The following ZNF699 variants were observed in gnomAD, a reference collection of about 807,000 sequenced individuals.
ZNF699 encodes the protein hangover homolog.
A neutral mutation model predicts 22.5 loss-of-function variants in ZNF699; 18 were observed. That is an observed-to-expected ratio of 0.80 (90% CI 0.55 to 1.19). The LOEUF (loss-of-function observed/expected upper bound fraction) is 1.19. Among genes scored for constraint, ZNF699 ranks in the 50% most tolerant of loss-of-function variants. ZNF699 has a pLI of 0.00. For synonymous variants in ZNF699, 241 were observed against 262.3 expected (o/e 0.92, Z 0.78); for missense variants, 670 against 763.4 (o/e 0.88, Z 1.44).
chr19:9,305,794 C>T (rs986106491), intron 1 of ZNF699, among the ~76,000 whole-genome samples: 9 of 151,974 alleles, frequency 5.9e-5, no homozygotes, highest in Non-Finnish European at 1.2e-4. Flanking sequence ...CTCCACCTCC[C>T]GGGTTCATGC....
chr19:9,305,174 C>A, intron 1 of ZNF699, 50 bp from the exon 2 acceptor site: 1 of 1,554,334 alleles, frequency 6.4e-7, no homozygotes. Flanking sequence ...AAAAAGGTGA[C>A]ATGAGAATCC....
rs532140939 is a variant in ZNF699, at chr19:9,297,945, T to C, written c.221A>G (p.Glu74Gly). The change falls in exon 4 of 6, where the codon GAG becomes GGG. Residue 74 changes from glutamate (E) to glycine (G), a missense_variant. Physicochemically the swap from Glu to Gly is moderately conservative, Grantham distance 98 (BLOSUM62 -2). Coordinates refer to ENST00000591998, the MANE Select transcript of ZNF699 (RefSeq NM_198535.3). This position sits in a 1 kb window ranked among gnomAD's most constrained non-coding sequence, Gnocchi z 4.3. ...TCTCTTCACTGTCTGCAGGTCCTCC[T>C]CTTGTTCCCACTGGGAGATCAGATG... ...TPHLISQWEQ[E>G]EDLQTVKREL... 2 of 1,613,706 alleles carry C rather than the reference T, an allele frequency of 1.2e-6. No homozygotes were observed. Among genetic ancestry groups the C allele is most frequent in the South Asian group, 1.1e-5 (1 of 91,058 alleles).
intron 3 of ZNF699, 145 bp from the exon 4 acceptor site, chr19:9,298,135 ATTTT>A (rs55772378): frequency 2.0e-6 from 1 of 491,872 alleles, no homozygotes; most frequent in Non-Finnish European, 3.6e-6. Flanking sequence ...AAATTTATTT[ATTTT>A]TTTTTTTAAA....
rs986800304 is a variant in ZNF699 at position 9,293,051 on chromosome 19, A to G, written c.*2424T>C. 7.3e-5 allele frequency among the ~76,000 whole-genome samples: 11 copies of G among 151,356 alleles called. No homozygotes were observed. The highest frequency in any genetic ancestry group is 2.4e-4 in the African/African-American group (10 of 41,126). On this transcript the variant is annotated 3_prime_UTR_variant, in exon 6 of 6. Coordinates refer to ENST00000591998, the MANE Select transcript of ZNF699 (RefSeq NM_198535.3). ...CTCAGGAGGCTGAGACAGGAGAATC[A>G]CTTGAACCCAGGAAGCGGAGATTGC...
chr19:9,293,457 A>C lies in ZNF699; in HGVS notation c.*2018T>G, dbSNP rs2066273553. ...CTGAGCATATAGCACATACCAAGAT[A>C]AATAAGCCCATACATCTATCAAAAG... On this transcript the variant is annotated 3_prime_UTR_variant, in exon 6 of 6. Coordinates refer to ENST00000591998, the MANE Select transcript of ZNF699 (RefSeq NM_198535.3). Among the ~76,000 whole-genome samples the C allele has an allele frequency of 6.6e-6, 1 of 152,250 alleles. No homozygotes were observed. Among genetic ancestry groups the C allele is most frequent in the Admixed American group, 6.5e-5 (1 of 15,286 alleles).
Position 9,295,233 on chromosome 19 carries a change from T to A in ZNF699, c.*242A>T. On this transcript the variant is annotated 3_prime_UTR_variant, in exon 6 of 6. Coordinates refer to ENST00000591998, the MANE Select transcript of ZNF699 (RefSeq NM_198535.3). ...GGTAATCAACGAGCCAGCATTCTAC[T>A]TTAAGGATGAGGCACTGATCTTCAT... 1 of 489,008 alleles carries A rather than the reference T, an allele frequency of 2.0e-6. No homozygotes were observed. The highest frequency in any genetic ancestry group is 3.5e-6 in the Non-Finnish European group (1 of 283,128). The allele number at this position is 489,008 out of a possible 1,614,324, so 30.3% of individuals were successfully genotyped here.
intron 3 of ZNF699, 59 bp from the exon 4 acceptor site, chr19:9,298,049 A>G (rs2066293716): frequency 1.7e-6 from 2 of 1,198,188 alleles, no homozygotes; most frequent in South Asian, 1.3e-5. Flanking sequence ...TAACATTTCC[A>G]TGAAACAGAA....
rs2066280033 is a variant in ZNF699 at position 9,295,276 on chromosome 19, T to A, written c.*199A>T. ...ATCTTCATTTCTAGTAGAGATTTTCTTATACATAATAAGCAATGTTCATAA... is the reference window on the plus strand; with the variant it reads ...ATCTTCATTTCTAGTAGAGATTTTCATATACATAATAAGCAATGTTCATAA... On this transcript the variant is annotated 3_prime_UTR_variant, in exon 6 of 6. Coordinates refer to ENST00000591998, the MANE Select transcript of ZNF699 (RefSeq NM_198535.3). The A allele has an allele frequency of 1.7e-6, 1 of 595,642 alleles. No individual in the cohort carries two copies. The highest frequency in any genetic ancestry group is 2.8e-6 in the Non-Finnish European group (1 of 359,100). 36.9% of individuals were successfully genotyped at this position (595,642 alleles called of 1,614,324 possible). A position where few individuals can be genotyped will look rare whatever the true frequency, so the allele number is the denominator to read the frequency against.
At chr19:9,300,422 C>G (rs1381310803) in intron 3 of ZNF699, among the ~76,000 whole-genome samples, 1 of 152,272 alleles carries the variant, frequency 6.6e-6, no homozygotes, top group East Asian at 1.9e-4. Context: ...CCATAAAATC[C>G]AGCAACTGAA....
intron 3 of ZNF699, among the ~76,000 whole-genome samples, chr19:9,298,631 AATC>A (rs2066295987): frequency 6.6e-6 from 1 of 152,184 alleles, no homozygotes; most frequent in African/African-American, 2.4e-5. Flanking sequence ...GTTACTCTGA[AATC>A]ATGATAAAAT....
rs1035209648 is a variant in ZNF699 at position 9,292,202 on chromosome 19, G to A, written c.*3273C>T. Among the ~76,000 whole-genome samples, 4 of 151,906 alleles carry A rather than the reference G, an allele frequency of 2.6e-5. No individual in the cohort carries two copies. The highest frequency in any genetic ancestry group is 5.9e-5 in the Non-Finnish European group (4 of 67,996). ...CTCCTTCCTCCTCCCCTCTGCATAT[G>A]CCCCAAAACTGCCAGGACTCTATGA... On this transcript the variant is annotated 3_prime_UTR_variant, in exon 6 of 6. Transcript: ENST00000591998.
In ZNF699 at chr19:9,297,203, G is replaced by T. The variant is rs186357875; in HGVS notation, c.470+93C>A. 1.6e-6 allele frequency: 2 copies of T among 1,277,140 alleles called. No homozygotes were observed. The highest frequency in any genetic ancestry group is 2.6e-5 in the East Asian group (1 of 38,556). 79.1% of individuals were successfully genotyped at this position (1,277,140 alleles called of 1,614,324 possible). On this transcript the variant is annotated intron_variant, in intron 5 of 5. Coordinates refer to ENST00000591998, the MANE Select transcript of ZNF699 (RefSeq NM_198535.3). This position sits in a 1 kb window ranked among gnomAD's most constrained non-coding sequence, Gnocchi z 4.3. ...TCTCAAACCACAATCTTTGATCTAG[G>T]CTTATTTATATATACATATTTCTTA...
chr19:9,298,258 C>T (rs1201634393), intron 3 of ZNF699, among the ~76,000 whole-genome samples: 6 of 151,552 alleles, frequency 4.0e-5, no homozygotes, highest in Non-Finnish European at 8.8e-5. Flanking sequence ...CTAGCCTGGC[C>T]AACATGATGA....
At chr19:9,298,834 A>C (rs901740616) in intron 3 of ZNF699, among the ~76,000 whole-genome samples, 1 of 152,190 alleles carries the variant, frequency 6.6e-6, no homozygotes, top group Non-Finnish European at 1.5e-5. Context: ...TTTATGTTCA[A>C]ATGGATCAAC....
At chr19:9,305,208 T>A in intron 1 of ZNF699, 84 bp from the exon 2 acceptor site, 2 of 1,126,938 alleles carry the variant, frequency 1.8e-6, no homozygotes, top group African/African-American at 1.5e-5. Flanking sequence ...ATTCCCACAC[T>A]CATGAGCCTG....
intron 1 of ZNF699, among the ~76,000 whole-genome samples, chr19:9,308,892 A>G (rs2066337061): frequency 6.6e-6 from 1 of 152,262 alleles, no homozygotes; most frequent in African/African-American, 2.4e-5. Context: ...ACCAATCTAT[A>G]GACAAATGAT....
In ZNF699 at chr19:9,295,224, GCATTCTACTTT is replaced by G; in HGVS notation, c.*240_*250del. ...GAAAACACTGGTAATCAACGAGCCA[GCATTCTACTTT>G]AAGGATGAGGCACTGATCTTCATTT... is the stretch of plus-strand genomic sequence containing the variant. On this transcript the variant is annotated 3_prime_UTR_variant, in exon 6 of 6. Transcript: ENST00000591998. The G allele has an allele frequency of 2.2e-6, 1 of 460,840 alleles. No individual in the cohort carries two copies. The highest frequency in any genetic ancestry group is 3.8e-5 in the Admixed American group (1 of 26,228). 28.5% of individuals were successfully genotyped at this position (460,840 alleles called of 1,614,324 possible). A position where few individuals can be genotyped will look rare whatever the true frequency, so the allele number is the denominator to read the frequency against.
intron 2 of ZNF699, among the ~76,000 whole-genome samples, chr19:9,303,797 A>G (rs1398296771): frequency 1.3e-5 from 2 of 151,938 alleles, no homozygotes; most frequent in African/African-American, 4.8e-5. Flanking sequence ...GTCCTAGGAA[A>G]TAGGATGAAA....
In ZNF699 at chr19:9,297,267, A is replaced by G; in HGVS notation, c.470+29T>C. The G allele has an allele frequency of 6.4e-7, 1 of 1,556,124 alleles. No individual in the cohort carries two copies. Among genetic ancestry groups the G allele is most frequent in the Non-Finnish European group, 8.6e-7 (1 of 1,162,184 alleles). ...TAATTTTAAGATTCTCTCCTGAGGC[A>G]CTTTCTCTTTCTCACGAATGGCACT... On this transcript the variant is annotated intron_variant, in intron 5 of 5. Transcript: ENST00000591998. This position sits in a 1 kb window ranked among gnomAD's most constrained non-coding sequence, Gnocchi z 4.3.
Sources: allele counts gnomAD v4.1 joint callset (sites outside exome capture counted in the v4.1 genomes callset), GRCh38; gene constraint gnomAD v4.1.1; non-coding constraint Gnocchi (gnomAD v3.1); transcripts MANE v1.5; gene names NCBI Gene and HGNC (gene_info 2026-07-23, HGNC 2026-07-21).